The following ZBTB7C variants were observed in gnomAD, a reference collection of about 807,000 sequenced individuals.
ZBTB7C encodes the protein zinc finger and BTB domain-containing protein 7C.
In ZBTB7C, 8 loss-of-function variants were observed where a neutral mutation model predicts 25.7. The ratio of observed to expected loss-of-function variants is 0.31; its 90% CI spans 0.18 to 0.56. The LOEUF (loss-of-function observed/expected upper bound fraction) is 0.56. Among genes scored for constraint, ZBTB7C ranks in the 20% least tolerant of loss-of-function variants. ZBTB7C has a pLI of 0.91. For missense variants in ZBTB7C, 824 were observed against 855.2 expected, an observed-to-expected ratio of 0.96 and a Z score of 0.46; for synonymous variants, 394 against 369.0, an observed-to-expected ratio of 1.07 and a Z score of -0.78.
chr18:48,343,704 A>G (rs1446394272), intron 1 of ZBTB7C, among the ~76,000 whole-genome samples: 1 of 151,722 alleles, frequency 6.6e-6, no homozygotes, highest in Non-Finnish European at 1.5e-5. Flanking sequence ...CCACGCCCAC[A>G]CTCCTTCCCC....
At chr18:48,351,117 C>T (rs1039335452) in intron 1 of ZBTB7C, among the ~76,000 whole-genome samples, 1 of 152,032 alleles carries the variant, frequency 6.6e-6, no homozygotes, top group South Asian at 2.1e-4. Context: ...GCTGAATGGC[C>T]CTTCACAGAG....
chr18:48,389,460 G>GTTT (rs1216276257), intron 1 of ZBTB7C, among the ~76,000 whole-genome samples: 1 of 108,236 alleles, frequency 9.2e-6, no homozygotes, highest in African/African-American at 4.6e-5. Context: ...ATGACTCTTG[G>GTTT]ATTTTTTTTT....
At chr18:48,321,923 C>T (rs2046105251) in intron 2 of ZBTB7C, among the ~76,000 whole-genome samples, 1 of 152,240 alleles carries the variant, frequency 6.6e-6, no homozygotes, top group Admixed American at 6.5e-5. Flanking sequence ...AAGGTTCTGG[C>T]AAAGCCAACA....
intron 3 of ZBTB7C, among the ~76,000 whole-genome samples, chr18:48,140,004 C>T (rs1305219527): frequency 2.0e-5 from 3 of 152,306 alleles, no homozygotes; most frequent in African/African-American, 4.8e-5. Context: ...CGTGGAAGCC[C>T]GCTGGCTTCA....
At chr18:48,406,856 C>T (rs956103763) in intron 1 of ZBTB7C, among the ~76,000 whole-genome samples, 3 of 152,210 alleles carry the variant, frequency 2.0e-5, no homozygotes, top group Non-Finnish European at 4.4e-5. Flanking sequence ...TGAAATCTAG[C>T]ATCGCCCTAG....
At chr18:48,357,775 T>C (rs796604045) in intron 1 of ZBTB7C, among the ~76,000 whole-genome samples, 4 of 152,364 alleles carry the variant, frequency 2.6e-5, no homozygotes, top group Non-Finnish European at 4.4e-5. Context: ...TTCATGCTCA[T>C]AGGACATGTC....
intron 3 of ZBTB7C, among the ~76,000 whole-genome samples, chr18:48,105,531 T>C (rs2038997278): frequency 6.6e-6 from 1 of 151,182 alleles, no homozygotes; most frequent in Non-Finnish European, 1.5e-5. Context: ...ATTCCAAACA[T>C]GCCCCCTATT....
At chr18:48,348,738 A>G (rs1454114395) in intron 1 of ZBTB7C, among the ~76,000 whole-genome samples, 3 of 152,236 alleles carry the variant, frequency 2.0e-5, no homozygotes, top group Admixed American at 6.5e-5. Flanking sequence ...AATAGCTTCA[A>G]CCTGGGAGGC....
At chr18:48,065,539 G>A (rs2037297342) in intron 3 of ZBTB7C, among the ~76,000 whole-genome samples, 1 of 152,184 alleles carries the variant, frequency 6.6e-6, no homozygotes, top group African/African-American at 2.4e-5. Flanking sequence ...AACTTTTTCA[G>A]TCATGGAATT....
intron 3 of ZBTB7C, among the ~76,000 whole-genome samples, chr18:48,144,544 TTA>T (rs1021325008): frequency 6.6e-6 from 1 of 152,042 alleles, no homozygotes; most frequent in African/African-American, 2.4e-5. Flanking sequence ...CAGGGTTTTG[TTA>T]TGTTACCCAG....
intron 3 of ZBTB7C, chr18:48,165,517 C>T: frequency 4.5e-6 from 1 of 222,458 alleles, no homozygotes; most frequent in Non-Finnish European, 9.1e-6. Flanking sequence ...CTTGTTGTAA[C>T]TGCTGGGACA....
At chr18:48,311,983 T>G (rs1032072680) in intron 2 of ZBTB7C, among the ~76,000 whole-genome samples, 4 of 152,218 alleles carry the variant, frequency 2.6e-5, no homozygotes, top group Non-Finnish European at 5.9e-5. Flanking sequence ...TGCCACCTGC[T>G]TATCCAGTTT....
intron 3 of ZBTB7C, among the ~76,000 whole-genome samples, chr18:48,073,714 G>T (rs1440773912): frequency 2.6e-5 from 4 of 152,046 alleles, no homozygotes; most frequent in Non-Finnish European, 5.9e-5. Context: ...TGGCTGGCCG[G>T]CTGGCCTCCG....
chr18:48,293,534 C>T (rs2045296985), intron 2 of ZBTB7C, among the ~76,000 whole-genome samples: 1 of 152,148 alleles, frequency 6.6e-6, no homozygotes, highest in Non-Finnish European at 1.5e-5. Flanking sequence ...CTTTTTGACA[C>T]AATTTAAATC....
At chr18:48,394,744 T>C (rs1208269655) in intron 1 of ZBTB7C, among the ~76,000 whole-genome samples, 2 of 152,192 alleles carry the variant, frequency 1.3e-5, no homozygotes, top group Non-Finnish European at 2.9e-5. Flanking sequence ...TATTGAGATT[T>C]AGAACATCAG....
At chr18:48,069,371 C>A (rs999712504) in intron 3 of ZBTB7C, among the ~76,000 whole-genome samples, 3 of 152,230 alleles carry the variant, frequency 2.0e-5, no homozygotes, top group Admixed American at 6.5e-5. Context: ...CTTCCCTCTG[C>A]GGTCTCTCAT....
intron 1 of ZBTB7C, among the ~76,000 whole-genome samples, chr18:48,369,021 A>G (rs531788633): frequency 6.6e-6 from 1 of 152,348 alleles, no homozygotes; most frequent in African/African-American, 2.4e-5. Flanking sequence ...GCAAGAGCAT[A>G]GGCAAACACA....
At chr18:48,177,564 T>C (rs1378587661) in intron 3 of ZBTB7C, among the ~76,000 whole-genome samples, 1 of 152,072 alleles carries the variant, frequency 6.6e-6, no homozygotes, top group East Asian at 1.9e-4. Context: ...TGTGTGCGTG[T>C]GTGTGTGTAT....
At chr18:48,325,421 T>A (rs147641147) in intron 2 of ZBTB7C, among the ~76,000 whole-genome samples, 1,718 of 152,326 alleles carry the variant, frequency 0.011, 27 homozygotes, top group African/African-American at 0.039. Flanking sequence ...AGAAGCTAAA[T>A]CACAGGGCTA....
Sources: allele counts gnomAD v4.1 joint callset (sites outside exome capture counted in the v4.1 genomes callset), GRCh38; gene constraint gnomAD v4.1.1; transcripts MANE v1.5; gene names NCBI Gene and HGNC (gene_info 2026-07-23, HGNC 2026-07-21).